GIT1: variants seen among roughly 807,000 people sequenced by gnomAD.
GIT1 encodes ARF GTPase-activating protein GIT1.
Under a neutral mutation model 91.7 loss-of-function variants are expected in GIT1, and 14 were observed. That is an observed-to-expected ratio of 0.15 (90% CI 0.10 to 0.24). GIT1 has a LOEUF of 0.24. Ranked by LOEUF, GIT1 falls within the 10% of genes least tolerant of loss-of-function variation. The pLI, the probability that GIT1 is intolerant of heterozygous loss-of-function variation, is 1.00. For missense variants in GIT1, 717 were observed against 1,024.9 expected (o/e 0.70, Z 4.10); for synonymous variants, 414 against 418.2 (o/e 0.99, Z 0.12).
chr17:29,585,533 A>G (rs903921590), intron 1 of GIT1, among the ~76,000 whole-genome samples: 2 of 152,126 alleles, frequency 1.3e-5, no homozygotes, highest in African/African-American at 4.8e-5. Flanking sequence ...AGTGTGGTCC[A>G]AGGGTTTGCC....
At chr17:29,578,874 G>A (rs948833711) in intron 7 of GIT1, 95 bp from the exon 8 acceptor site, 237 of 1,559,726 alleles carry the variant, frequency 1.5e-4, no homozygotes, top group Non-Finnish European at 1.9e-4. Context: ...CAGGGATCCC[G>A]GGGAGATGGC....
intron 1 of GIT1, among the ~76,000 whole-genome samples, chr17:29,584,062 G>A (rs1369942544): frequency 6.6e-6 from 1 of 152,238 alleles, no homozygotes; most frequent in Admixed American, 6.5e-5. Context: ...CACAGGTCCT[G>A]CCTCTGGCCT....
chr17:29,577,057 C>T, intron 11 of GIT1, 61 bp from the exon 12 acceptor site: 1 of 1,607,112 alleles, frequency 6.2e-7, no homozygotes. Flanking sequence ...TCTCAGGTCA[C>T]CACTGGCAGG....
intron 1 of GIT1, among the ~76,000 whole-genome samples, chr17:29,585,040 G>T (rs2150851676): frequency 6.6e-6 from 1 of 150,948 alleles, no homozygotes; most frequent in East Asian, 1.9e-4. Context: ...CTTTTTAAGG[G>T]ACCCCCTCCC....
chr17:29,579,383 C>T (rs935327790), intron 7 of GIT1: 3 of 272,168 alleles, frequency 1.1e-5, no homozygotes, highest in African/African-American at 6.5e-5. Flanking sequence ...CACCTGGCTG[C>T]ACTACCCCTT....
chr17:29,588,769 C>T (rs1187782329), intron 1 of GIT1, among the ~76,000 whole-genome samples: 3 of 152,312 alleles, frequency 2.0e-5, no homozygotes, highest in East Asian at 3.9e-4. Flanking sequence ...CCTTAGGAAC[C>T]CGAGGCAGGG....
rs2033142595 is a variant in GIT1 at position 29,575,088 on chromosome 17, GA to G, written c.2063del (p.Leu688ProfsTer46). 1 of 1,597,376 alleles carries G rather than the reference GA, an allele frequency of 6.3e-7. No homozygotes were observed. Among genetic ancestry groups the G allele is most frequent in the Admixed American group, 1.7e-5 (1 of 59,028 alleles). On this transcript the variant is annotated frameshift_variant, in exon 19 of 20. Transcript: ENST00000225394. LOFTEE classifies it high-confidence loss of function. The surrounding 1 kb of genome is among the most constrained non-coding windows in gnomAD (Gnocchi z 5.5). ...IHLAVTEMAS[L>X]FPKRPALEPV... ...TCTTTGGCCCCTGTACCTTTGGGAA[GA>G]GGGAGGCCATCTCGGTCACAGCCAA... is the stretch of plus-strand genomic sequence containing the variant.
rs772363287 is a variant in GIT1, at chr17:29,574,512, G to GC, written c.*189dup. 130 of 644,944 alleles carry GC rather than the reference G, an allele frequency of 2.0e-4. No individual in the cohort carries two copies. Among genetic ancestry groups the GC allele is most frequent in the Middle Eastern group, 5.6e-4 (2 of 3,578 alleles). The allele number at this position is 644,944 out of a possible 1,614,324, so 40.0% of individuals were successfully genotyped here. On this transcript the variant is annotated 3_prime_UTR_variant, in exon 20 of 20. Coordinates refer to ENST00000225394, the MANE Select transcript of GIT1 (RefSeq NM_014030.4). ...TGGAATGTGGGGGACAGAAGCTCCT[G>GC]CCCCCCCACCTCCCCATCCTTAGGG...
At position 29,574,366 on chromosome 17, in the gene GIT1, T is replaced by TG. The variant is rs2033105166; in HGVS notation, c.*335dup. The stretch of plus-strand genomic sequence containing the variant: ...CGCATGTACGGAGAGCTGCCCCACT[T>TG]GGAGTGTCCCCACCTGCCCCTTTGC... On this transcript the variant is annotated 3_prime_UTR_variant, in exon 20 of 20. Transcript: ENST00000225394. 4 of 333,070 alleles carry TG rather than the reference T, an allele frequency of 1.2e-5. No homozygotes were observed. The East Asian group carries it at 2.8e-4, about 24-fold the overall frequency. 20.6% of individuals were successfully genotyped at this position (333,070 alleles called of 1,614,324 possible). A position where few individuals can be genotyped will look rare whatever the true frequency, so the allele number is the denominator to read the frequency against.
chr17:29,580,482 T>C (rs780769518), intron 7 of GIT1, among the ~76,000 whole-genome samples: 2 of 152,120 alleles, frequency 1.3e-5, no homozygotes, highest in Non-Finnish European at 2.9e-5. Flanking sequence ...CCATCAGAGG[T>C]GGCCACCAGG....
rs1215857988 is a variant in GIT1, at chr17:29,574,136, A to C, written c.*566T>G. On this transcript the variant is annotated 3_prime_UTR_variant, in exon 20 of 20. Transcript: ENST00000225394. ...GGGTGGGGAAGAAGAAAGAAAAAAA[A>C]AAAACAGACTTTCCAGTGTTTGCTG... 6.6e-6 allele frequency: 1 copy of C among 152,474 alleles called. No homozygotes were observed. The highest frequency in any genetic ancestry group is 1.5e-5 in the Non-Finnish European group (1 of 68,224). The allele number at this position is 152,474 out of a possible 1,614,324, so 9.4% of individuals were successfully genotyped here.
chr17:29,579,318 T>TA, intron 7 of GIT1: 1 of 400,486 alleles, frequency 2.5e-6, no homozygotes, highest in South Asian at 3.4e-5. Context: ...TCCCTCCTTC[T>TA]AGTTTTGTCC....
rs964639959 is a variant in GIT1 at position 29,589,352 on chromosome 17, C to T, written c.27G>A (p.Glu9=). The part of the protein sequence containing the change: MSRKGPRA[E]VCADCSAPDP... ...CCGGGGCGCTGCAGTCCGCACACAC[C>T]TCCGCTCGCGGCCCCTTTCGGGACA... The change falls in exon 1 of 20, where the codon GAG becomes GAA. Residue 9 remains glutamate (E), a synonymous_variant. Coordinates refer to ENST00000225394, the MANE Select transcript of GIT1 (RefSeq NM_014030.4). This position sits in a 1 kb window ranked among gnomAD's most constrained non-coding sequence, Gnocchi z 5.2. 5 of 1,090,772 alleles carry T rather than the reference C, an allele frequency of 4.6e-6. No homozygotes were observed. Among genetic ancestry groups the T allele is most frequent in the Non-Finnish European group, 5.6e-6 (5 of 886,404 alleles). 67.6% of individuals were successfully genotyped at this position (1,090,772 alleles called of 1,614,324 possible).
At chr17:29,576,481 G>C in intron 13 of GIT1, 31 bp from the exon 14 acceptor site, 2 of 1,613,152 alleles carry the variant, frequency 1.2e-6, no homozygotes, top group Non-Finnish European at 8.5e-7. Flanking sequence ...CAACCCCCTG[G>C]AGTCCTGGGG....
At chr17:29,582,891 A>C (rs2033451757) in intron 3 of GIT1, 34 bp downstream of exon 3, 2 of 1,562,058 alleles carry the variant, frequency 1.3e-6, no homozygotes, top group African/African-American at 2.7e-5. Context: ...CGGACTGCGC[A>C]GTCTCTGCCC....
chr17:29,579,580 T>C (rs1277978655), intron 7 of GIT1, among the ~76,000 whole-genome samples: 2 of 151,960 alleles, frequency 1.3e-5, no homozygotes, highest in Non-Finnish European at 1.5e-5. Context: ...ACAAAAGCAA[T>C]TTAAAAATTA....
rs977168918 is a variant in GIT1, at chr17:29,578,204, C to T, written c.883+95G>A. The T allele has an allele frequency of 2.9e-6, 3 of 1,043,150 alleles. No individual in the cohort carries two copies. In the African/African-American group the frequency reaches 4.7e-5, roughly 16 times the overall value. 64.6% of individuals were successfully genotyped at this position (1,043,150 alleles called of 1,614,324 possible). A position where few individuals can be genotyped will look rare whatever the true frequency, so the allele number is the denominator to read the frequency against. Reference sequence around the variant, plus strand: ...TCTGCAGGCCTCTGAGCAGCCCCAACCCCAGGCACCCCTTCTTAGCCCAGT... The same window carrying T: ...TCTGCAGGCCTCTGAGCAGCCCCAATCCCAGGCACCCCTTCTTAGCCCAGT... On this transcript the variant is annotated intron_variant, in intron 9 of 19. Transcript: ENST00000225394.
Position 29,578,324 on chromosome 17 carries a change from C to T in GIT1, c.858G>A (p.Glu286=). The T allele has an allele frequency of 6.2e-7, 1 of 1,614,132 alleles. No homozygotes were observed. ...FEELAMDVYD[E]VDRRENDAVW... Reference sequence around the variant, plus strand: ...CTGCATCATTTTCTCTTCGATCCACCTCGTCATACACGTCCATGGCGAGTT... The same window carrying T: ...CTGCATCATTTTCTCTTCGATCCACTTCGTCATACACGTCCATGGCGAGTT... The change falls in exon 9 of 20, where the codon GAG becomes GAA. Residue 286 remains glutamate (E), a synonymous_variant. Coordinates refer to ENST00000225394, the MANE Select transcript of GIT1 (RefSeq NM_014030.4).
chr17:29,575,585 C>A lies in GIT1; in HGVS notation c.1826+45G>T, dbSNP rs758687693. ...ACTGGGGGCCCTCTCAACCTCCCCG[C>A]CTCGGCATGTGAGCAGGCTGGACTG... On this transcript the variant is annotated intron_variant, in intron 17 of 19. Transcript: ENST00000225394. The surrounding 1 kb of genome is among the most constrained non-coding windows in gnomAD (Gnocchi z 5.5). 1.3e-6 allele frequency: 2 copies of A among 1,592,096 alleles called. No individual in the cohort carries two copies. Among genetic ancestry groups the A allele is most frequent in the South Asian group, 1.1e-5 (1 of 90,258 alleles).
Sources: allele counts gnomAD v4.1 joint callset (sites outside exome capture counted in the v4.1 genomes callset), GRCh38; gene constraint gnomAD v4.1.1; non-coding constraint Gnocchi (gnomAD v3.1); transcripts MANE v1.5; gene names NCBI Gene and HGNC (gene_info 2026-07-23, HGNC 2026-07-21).